RP1: variants seen among roughly 807,000 people sequenced by gnomAD.
RP1 encodes the protein RP1 axonemal microtubule associated.
Under a neutral mutation model 14.8 loss-of-function variants are expected in RP1, and 16 were observed. That is an observed-to-expected ratio of 1.08 (90% confidence interval 0.73 to 1.65). RP1 has a LOEUF of 1.65. Ranked by LOEUF, RP1 falls within the 40% of genes most tolerant of loss-of-function variation. The pLI, the probability that RP1 is intolerant of heterozygous loss-of-function variation, is 0.00. For synonymous variants in RP1, 876 were observed against 883.6 expected (o/e 0.99, Z 0.15); for missense variants, 2,631 against 2,535.0 (o/e 1.04, Z -0.81).
intron 16 of RP1, among the ~76,000 whole-genome samples, chr8:54,722,951 G>T (rs1211849877): frequency 1.3e-5 from 2 of 152,196 alleles, no homozygotes; most frequent in Non-Finnish European, 2.9e-5. Context: ...AACGAGGGCA[G>T]TCTCATTGAC....
At chr8:54,803,893 C>A (rs1810777803) in intron 24 of RP1, among the ~76,000 whole-genome samples, 1 of 151,906 alleles carries the variant, frequency 6.6e-6, no homozygotes, top group South Asian at 2.1e-4. Flanking sequence ...CATGGTGAAA[C>A]CCCGTCTCTA....
rs1028139975 is a variant in RP1, at chr8:54,701,568, G to C, written c.1904G>C (p.Gly635Ala). ...CTTCTTGAGTCGGCACTGGTTCCTG[G>C]TCACACAGTTGTTTTTGATCGTCAT... The change falls in exon 14 of 23, where the codon GGT (glycine) becomes GCT (alanine). Residue 635 changes from glycine to alanine, a missense_variant. Transcript: ENST00000636932. 8.5e-6 allele frequency: 13 copies of C among 1,535,538 alleles called. No individual in the cohort carries two copies. The Admixed American group carries it at 2.6e-4, about 30-fold the overall frequency.
At chr8:54,789,736 C>T (rs1810415025) in intron 24 of RP1, among the ~76,000 whole-genome samples, 1 of 152,168 alleles carries the variant, frequency 6.6e-6, no homozygotes, top group Non-Finnish European at 1.5e-5. Context: ...GCCTATAACC[C>T]CATCAAACTG....
chr8:54,815,988 C>G lies in RP1; in HGVS notation c.3616-21462C>G, dbSNP rs76041253. On this transcript the variant is annotated intron_variant, in intron 24 of 28. Transcript: ENST00000637698. ...GATGTATCCCAGTTTGACTGTAACA[C>G]TTTCTGAGCCTTACAGATCTCTTAC... 5.8e-3 allele frequency among the ~76,000 whole-genome samples: 886 copies of G among 152,254 alleles called. 6 individuals are homozygous for G. Among genetic ancestry groups the G allele is most frequent in the African/African-American group, 0.018 (756 of 41,562 alleles).
At chr8:54,714,896 T>A (rs1264545780) in intron 15 of RP1, among the ~76,000 whole-genome samples, 1 of 152,230 alleles carries the variant, frequency 6.6e-6, no homozygotes, top group Non-Finnish European at 1.5e-5. Context: ...CAACAAAGAT[T>A]TCCCCTATCA....
chr8:54,863,616 C>T (rs186691934), intron 27 of RP1, among the ~76,000 whole-genome samples: 4 of 152,304 alleles, frequency 2.6e-5, no homozygotes, highest in Non-Finnish European at 5.9e-5. Flanking sequence ...TTGACTGCTT[C>T]GTCTTCACTT....
intron 3 of RP1, among the ~76,000 whole-genome samples, chr8:54,637,509 T>C (rs1234995819): frequency 6.6e-6 from 1 of 152,224 alleles, no homozygotes; most frequent in Non-Finnish European, 1.5e-5. Context: ...AAATAAAAAA[T>C]AGACCACTTT....
chr8:54,764,867 C>A (rs1809722366), intron 22 of RP1, among the ~76,000 whole-genome samples: 1 of 145,468 alleles, frequency 6.9e-6, no homozygotes, highest in African/African-American at 2.6e-5. Flanking sequence ...TTAATGACAA[C>A]AAGAAGCCAA....
intron 3 of RP1, among the ~76,000 whole-genome samples, chr8:54,639,165 C>A (rs1806411309): frequency 6.6e-6 from 1 of 152,150 alleles, no homozygotes; most frequent in Admixed American, 6.5e-5. Context: ...GAATTTTATG[C>A]AAATGGAATC....
At chr8:54,824,641 G>A (rs1193699454) in intron 24 of RP1, among the ~76,000 whole-genome samples, 1 of 152,146 alleles carries the variant, frequency 6.6e-6, no homozygotes, top group East Asian at 1.9e-4. Context: ...TTCCTCATGA[G>A]TATAGATACA....
At chr8:54,715,420 GT>G (rs1808380044) in intron 15 of RP1, among the ~76,000 whole-genome samples, 1 of 152,120 alleles carries the variant, frequency 6.6e-6, no homozygotes, top group Non-Finnish European at 1.5e-5. Flanking sequence ...GAAACTAAAG[GT>G]TTATTGTTTT....
chr8:54,642,469 G>T (rs923974274), intron 3 of RP1, among the ~76,000 whole-genome samples: 1 of 152,040 alleles, frequency 6.6e-6, no homozygotes, highest in Admixed American at 6.6e-5. Flanking sequence ...AACTTTAAAT[G>T]TGCATAGCAG....
chr8:54,720,133 C>A, exon 16 of RP1: 1 of 1,532,102 alleles, frequency 6.5e-7, no homozygotes, highest in South Asian at 1.2e-5. Context: ...TTGTAGGGTA[C>A]AGGAGATGTT....
intron 19 of RP1, among the ~76,000 whole-genome samples, chr8:54,750,408 T>G (rs893592556): frequency 6.6e-6 from 1 of 152,184 alleles, no homozygotes; most frequent in Non-Finnish European, 1.5e-5. Context: ...TGATCTTACT[T>G]CTAGGCACAA....
At chr8:54,582,084 AT>A (rs1804805192) in intron 1 of RP1, among the ~76,000 whole-genome samples, 1 of 152,186 alleles carries the variant, frequency 6.6e-6, no homozygotes, top group Non-Finnish European at 1.5e-5. Context: ...GCCCATGCCT[AT>A]GTCCTGAATG....
At chr8:54,692,719 C>T (rs1159193646) in intron 12 of RP1, among the ~76,000 whole-genome samples, 1 of 146,972 alleles carries the variant, frequency 6.8e-6, no homozygotes, top group South Asian at 2.2e-4. Context: ...GGATATTAGC[C>T]CTTTGTCAGA....
At chr8:54,579,184 T>C (rs1804725076) in intron 1 of RP1, among the ~76,000 whole-genome samples, 1 of 152,178 alleles carries the variant, frequency 6.6e-6, no homozygotes, top group South Asian at 2.1e-4. Flanking sequence ...ATCAGGGGCC[T>C]GAAGTGTCCA....
chr8:54,824,956 C>CTA (rs568833364), intron 24 of RP1, among the ~76,000 whole-genome samples: 46,481 of 150,962 alleles, frequency 0.31, 7,238 homozygotes, highest in South Asian at 0.37. Flanking sequence ...TATTCTTTTT[C>CTA]TTTCTTTTTT....
chr8:54,641,189 C>T (rs1806447892), intron 3 of RP1, among the ~76,000 whole-genome samples: 2 of 152,062 alleles, frequency 1.3e-5, no homozygotes, highest in South Asian at 4.2e-4. Flanking sequence ...TTGTGATCTG[C>T]CCTCCTCAGC....
Sources: allele counts gnomAD v4.1 joint callset (sites outside exome capture counted in the v4.1 genomes callset), GRCh38; gene constraint gnomAD v4.1.1; transcripts MANE v1.5; gene names NCBI Gene and HGNC (gene_info 2026-07-23, HGNC 2026-07-21).